The following FBXW4 variants were observed in gnomAD, a reference collection of about 807,000 sequenced individuals.
FBXW4 encodes F-box and WD repeat domain containing 4.
Under a neutral mutation model 61.8 loss-of-function variants are expected in FBXW4, and 40 were observed. That is an observed-to-expected ratio of 0.65 (90% CI 0.50 to 0.84). The LOEUF (loss-of-function observed/expected upper bound fraction) is 0.84, where lower values mean the gene tolerates loss of function less well. Ranked by LOEUF, FBXW4 falls within the 40% of genes least tolerant of loss-of-function variation. The pLI, the probability that FBXW4 is intolerant of heterozygous loss-of-function variation, is 0.00. For synonymous variants in FBXW4, 311 were observed against 313.8 expected (o/e 0.99, Z 0.10); for missense variants, 672 against 753.8 (o/e 0.89, Z 1.27).
In FBXW4 at chr10:101,688,486, T is replaced by C. The variant is rs186480544; in HGVS notation, c.725+5895A>G. 3.2e-3 allele frequency among the ~76,000 whole-genome samples: 483 copies of C among 152,306 alleles called. 5 individuals are homozygous for C. The highest frequency in any genetic ancestry group is 0.023 in the Admixed American group (352 of 15,304). On this transcript the variant is annotated intron_variant, in intron 1 of 8. Transcript: ENST00000331272. ...GATAAAATGAAGAAATGACTCAAAA[T>C]TGAGACAAGGCAGCCAAACCTCTAA... is the stretch of plus-strand genomic sequence containing the variant.
chr10:101,662,306 G>T (rs2064252351), intron 5 of FBXW4, among the ~76,000 whole-genome samples: 1 of 152,134 alleles, frequency 6.6e-6, no homozygotes, highest in Non-Finnish European at 1.5e-5. Context: ...CACAGTGATT[G>T]CTTTCCTTCC....
Position 101,610,731 on chromosome 10 carries a change from G to C in FBXW4, c.*560C>G, listed in dbSNP as rs1437564607. ...TAGCATGTCTCAACAGCCAGCCTGA[G>C]GTAGGGCTGGCTCAGAACTCACTCA... On this transcript the variant is annotated 3_prime_UTR_variant, in exon 9 of 9. Coordinates refer to ENST00000331272, the MANE Select transcript of FBXW4 (RefSeq NM_022039.4). 6.6e-6 allele frequency: 1 copy of C among 152,358 alleles called. No homozygotes were observed. Among genetic ancestry groups the C allele is most frequent in the African/African-American group, 2.4e-5 (1 of 41,448 alleles). 9.4% of individuals were successfully genotyped at this position (152,358 alleles called of 1,614,324 possible).
intron 5 of FBXW4, among the ~76,000 whole-genome samples, chr10:101,635,561 G>T (rs80096562): frequency 0.032 from 4,889 of 152,234 alleles, 103 homozygotes; most frequent in East Asian, 0.11. Flanking sequence ...GAGGCCAGAA[G>T]TGGTGGCTCA....
intron 6 of FBXW4, among the ~76,000 whole-genome samples, chr10:101,614,529 G>A (rs975554950): frequency 6.6e-6 from 1 of 152,174 alleles, no homozygotes; most frequent in African/African-American, 2.4e-5. Context: ...CTGCCCTCGG[G>A]GGGAGAGCCA....
At chr10:101,673,124 GC>G (rs2064374171) in intron 3 of FBXW4, 77 bp from the exon 4 acceptor site, 1 of 1,541,342 alleles carries the variant, frequency 6.5e-7, no homozygotes, top group African/African-American at 1.4e-5. Context: ...TCCAGAAACA[GC>G]CCAAGTCTCC....
intron 5 of FBXW4, among the ~76,000 whole-genome samples, chr10:101,637,016 C>G (rs1228959751): frequency 6.6e-6 from 1 of 152,072 alleles, no homozygotes; most frequent in African/African-American, 2.4e-5. Flanking sequence ...ATTAATGGAG[C>G]AAGGTTAGCC....
intron 5 of FBXW4, among the ~76,000 whole-genome samples, chr10:101,647,182 C>T (rs1465990697): frequency 1.3e-5 from 2 of 152,238 alleles, no homozygotes; most frequent in Non-Finnish European, 2.9e-5. Flanking sequence ...GGGATGCCTA[C>T]AATGTGAGGA....
intron 5 of FBXW4, among the ~76,000 whole-genome samples, chr10:101,656,769 G>A (rs1223949492): frequency 1.3e-5 from 2 of 152,122 alleles, no homozygotes; most frequent in Admixed American, 1.3e-4. Context: ...GGAAAACATG[G>A]GGGTGGGAAG....
intron 5 of FBXW4, among the ~76,000 whole-genome samples, chr10:101,663,102 A>G (rs1054710550): frequency 2.0e-5 from 3 of 152,208 alleles, no homozygotes; most frequent in Non-Finnish European, 4.4e-5. Flanking sequence ...AACTGGGTAC[A>G]AACTACTCCT....
intron 5 of FBXW4, among the ~76,000 whole-genome samples, chr10:101,661,412 ACTGT>A (rs1305216533): frequency 6.6e-6 from 1 of 152,172 alleles, no homozygotes; most frequent in Non-Finnish European, 1.5e-5. Flanking sequence ...GATGGATATG[ACTGT>A]CTGAGAGGCT....
At chr10:101,667,006 C>T (rs528553835) in intron 5 of FBXW4, among the ~76,000 whole-genome samples, 18 of 151,860 alleles carry the variant, frequency 1.2e-4, no homozygotes, top group East Asian at 3.9e-4. Flanking sequence ...CCGAGGCAGG[C>T]GGATCACGAG....
At chr10:101,691,598 T>C (rs1175150384) in intron 1 of FBXW4, among the ~76,000 whole-genome samples, 1 of 152,202 alleles carries the variant, frequency 6.6e-6, no homozygotes, top group East Asian at 1.9e-4. Context: ...CTACAGAATG[T>C]AGATTCATTC....
intron 5 of FBXW4, among the ~76,000 whole-genome samples, chr10:101,664,409 G>A (rs2134880154): frequency 6.6e-6 from 1 of 152,346 alleles, no homozygotes; most frequent in South Asian, 2.1e-4. Context: ...GAAATTGGCA[G>A]GTAAACCAGG....
chr10:101,618,907 C>CA (rs969442056), intron 6 of FBXW4, among the ~76,000 whole-genome samples: 5 of 152,002 alleles, frequency 3.3e-5, no homozygotes, highest in Non-Finnish European at 5.9e-5. Context: ...AAAAAACCCA[C>CA]AGCAAGAGGA....
At chr10:101,681,718 A>AAATAAT (rs60453783) in intron 1 of FBXW4, among the ~76,000 whole-genome samples, 17,486 of 143,292 alleles carry the variant, frequency 0.12, 1,221 homozygotes, top group East Asian at 0.31. Flanking sequence ...CTCCGTCTCA[A>AAATAAT]AATAATAATA....
intron 5 of FBXW4, among the ~76,000 whole-genome samples, chr10:101,636,618 G>A (rs549113246): frequency 2.4e-4 from 35 of 147,788 alleles, no homozygotes; most frequent in Non-Finnish European, 4.5e-4. Context: ...ATGGAGTCTC[G>A]CTCTTGTTGC....
chr10:101,688,568 A>T (rs2064556851), intron 1 of FBXW4, among the ~76,000 whole-genome samples: 1 of 152,228 alleles, frequency 6.6e-6, no homozygotes. Flanking sequence ...GAAAGCTCAA[A>T]TATTTACATG....
intron 5 of FBXW4, among the ~76,000 whole-genome samples, chr10:101,635,386 T>C (rs1212894283): frequency 3.9e-5 from 6 of 152,118 alleles, no homozygotes; most frequent in African/African-American, 7.2e-5. Context: ...ATAAATGTAA[T>C]GCACTTGAAT....
rs187139211 is a variant in FBXW4, at chr10:101,691,101, T to C, written c.725+3280A>G. Reference sequence around the variant, plus strand: ...TATGTGGCTTCTGGTCAAATCAAGTTTTGTGTAATGCTGATAAAAACTCAT... The same window carrying C: ...TATGTGGCTTCTGGTCAAATCAAGTCTTGTGTAATGCTGATAAAAACTCAT... On this transcript the variant is annotated intron_variant, in intron 1 of 8. Transcript: ENST00000331272. Among the ~76,000 whole-genome samples, 10 of 152,222 alleles carry C rather than the reference T, an allele frequency of 6.6e-5. No homozygotes were observed. The East Asian group carries it at 1.9e-3, about 29-fold the overall frequency.
Sources: allele counts gnomAD v4.1 joint callset (sites outside exome capture counted in the v4.1 genomes callset), GRCh38; gene constraint gnomAD v4.1.1; transcripts MANE v1.5; gene names NCBI Gene and HGNC (gene_info 2026-07-23, HGNC 2026-07-21).